UNC79: variants seen among roughly 807,000 people sequenced by gnomAD.
UNC79 encodes protein unc-79 homolog.
UNC79 carries 37 observed loss-of-function variants against 283.1 expected under a neutral mutation model. That is an observed-to-expected ratio of 0.13 (90% confidence interval 0.10 to 0.17). UNC79 has a LOEUF of 0.17. Ranked by LOEUF, UNC79 falls within the 10% of genes least tolerant of loss-of-function variation. The pLI is 1.00. For missense variants in UNC79, 2,272 were observed against 3,211.1 expected (o/e 0.71, Z 7.07); for synonymous variants, 1,107 against 1,200.2 (o/e 0.92, Z 1.61).
At chr14:93,704,132 T>A (rs1458966312) in intron 47 of UNC79, among the ~76,000 whole-genome samples, 2 of 152,208 alleles carry the variant, frequency 1.3e-5, no homozygotes, top group African/African-American at 4.8e-5. Flanking sequence ...CCCGGCTCAG[T>A]CTCGCTGTAT....
chr14:93,392,130 A>G (rs2054896016), intron 1 of UNC79, among the ~76,000 whole-genome samples: 1 of 152,252 alleles, frequency 6.6e-6, no homozygotes, highest in Admixed American at 6.5e-5. Context: ...ATGAATCTTA[A>G]TGTATATAGT....
rs1176604281 is a variant in UNC79 at position 93,477,837 on chromosome 14, A to G, written c.619+109A>G. Reference sequence around the variant, plus strand: ...TTCGAGATTATAATGGAATCACTTGATATATACAGGAGCTATGATTTCAAT... The same window carrying G: ...TTCGAGATTATAATGGAATCACTTGGTATATACAGGAGCTATGATTTCAAT... On this transcript the variant is annotated intron_variant, in intron 4 of 48. Coordinates refer to ENST00000555664, the Ensembl canonical transcript of UNC79. 5 of 1,035,090 alleles carry G rather than the reference A, an allele frequency of 4.8e-6. No homozygotes were observed. In the Admixed American group the frequency reaches 1.3e-4, roughly 26 times the overall value. The allele number at this position is 1,035,090 out of a possible 1,614,324, so 64.1% of individuals were successfully genotyped here.
chr14:93,450,854 T>C (rs1215514703), intron 1 of UNC79, among the ~76,000 whole-genome samples: 1 of 152,146 alleles, frequency 6.6e-6, no homozygotes, highest in African/African-American at 2.4e-5. Flanking sequence ...TTTTAACTCT[T>C]TTGGTTTTGC....
chr14:93,560,136 G>T (rs368210600), intron 14 of UNC79, among the ~76,000 whole-genome samples: 1 of 151,854 alleles, frequency 6.6e-6, no homozygotes, highest in Non-Finnish European at 1.5e-5. Flanking sequence ...GAAGGTACAA[G>T]GTTTGAATAA....
At chr14:93,491,923 G>A (rs1051125503) in intron 5 of UNC79, among the ~76,000 whole-genome samples, 5 of 152,192 alleles carry the variant, frequency 3.3e-5, no homozygotes, top group Non-Finnish European at 5.9e-5. Flanking sequence ...GCACTTAAGC[G>A]AGGCAATATC....
chr14:93,601,886 C>A (rs1170614084), intron 25 of UNC79, among the ~76,000 whole-genome samples: 1 of 152,082 alleles, frequency 6.6e-6, no homozygotes, highest in Non-Finnish European at 1.5e-5. Context: ...TGTTTGTTGG[C>A]CGTTTGTATA....
At chr14:93,439,840 TA>T (rs1285932160) in intron 1 of UNC79, among the ~76,000 whole-genome samples, 1 of 152,138 alleles carries the variant, frequency 6.6e-6, no homozygotes, top group East Asian at 1.9e-4. Flanking sequence ...TTTATTTCTC[TA>T]AAAAATTATG....
intron 1 of UNC79, among the ~76,000 whole-genome samples, chr14:93,404,493 A>AAATATATATATATATATATATAT: frequency 1.1e-4 from 7 of 61,496 alleles, no homozygotes; most frequent in African/African-American, 4.0e-4. Context: ...TTCTAAAAAA[A>AAATATATATATATATATATATAT]ATATATATAT....
chr14:93,483,532 T>C (rs1406959412), intron 4 of UNC79, among the ~76,000 whole-genome samples: 3 of 152,054 alleles, frequency 2.0e-5, no homozygotes, highest in African/African-American at 7.2e-5. Flanking sequence ...TTTTTTTTTT[T>C]TTAATTATAC....
intron 1 of UNC79, among the ~76,000 whole-genome samples, chr14:93,401,621 G>T (rs1023857581): frequency 1.3e-5 from 2 of 152,160 alleles, no homozygotes; most frequent in African/African-American, 4.8e-5. Context: ...CTCAAGAAAA[G>T]AGTCTGAAGA....
intron 7 of UNC79, among the ~76,000 whole-genome samples, chr14:93,504,452 G>A (rs1472952743): frequency 6.6e-6 from 1 of 151,800 alleles, no homozygotes; most frequent in East Asian, 1.9e-4. Flanking sequence ...TTATAATATT[G>A]AATCTTCCAA....
intron 20 of UNC79, 54 bp from the exon 21 acceptor site, chr14:93,586,542 A>C: frequency 6.9e-7 from 1 of 1,450,252 alleles, no homozygotes; most frequent in Non-Finnish European, 9.5e-7. Context: ...AAATTGATGA[A>C]TGATGGGGGA....
intron 14 of UNC79, among the ~76,000 whole-genome samples, chr14:93,554,427 T>C (rs576645575): frequency 6.6e-5 from 10 of 151,964 alleles, no homozygotes; most frequent in African/African-American, 2.2e-4. Context: ...AAAGGGAAAA[T>C]GAAATTTTAC....
rs752700963 is a variant in UNC79, at chr14:93,621,724, C to G, written c.4491C>G (p.Phe1497Leu). ...TTCCGAAAAAAAAGCTACGCTCTTT[C>G]AAACAAAAATCTCTTGATATAGGGA... The change falls in exon 30 of 49, where the codon TTC becomes TTG. Residue 1497 changes from phenylalanine to leucine, a missense_variant. Phe to Leu is a conservative substitution (Grantham distance 22). Transcript: ENST00000555664. This position sits in a 1 kb window ranked among gnomAD's most constrained non-coding sequence, Gnocchi z 4.8. 1.2e-6 allele frequency: 2 copies of G among 1,613,822 alleles called. No homozygotes were observed. Among genetic ancestry groups the G allele is most frequent in the Non-Finnish European group, 1.7e-6 (2 of 1,179,936 alleles).
intron 1 of UNC79, among the ~76,000 whole-genome samples, chr14:93,422,684 A>G (rs372284455): frequency 3.3e-5 from 5 of 152,344 alleles, no homozygotes; most frequent in South Asian, 2.1e-4. Context: ...TGAATGGATA[A>G]GTAAATTCAG....
upstream of UNC79, among the ~76,000 whole-genome samples, chr14:93,429,839 A>G (rs934430734): frequency 6.6e-6 from 1 of 152,222 alleles, no homozygotes; most frequent in Admixed American, 6.5e-5. Flanking sequence ...TTGCGCATCC[A>G]TTCGATCTGC....
intron 40 of UNC79, among the ~76,000 whole-genome samples, chr14:93,668,367 A>G (rs961869935): frequency 1.3e-5 from 2 of 152,210 alleles, no homozygotes; most frequent in South Asian, 4.1e-4. Context: ...TGATTATAAA[A>G]CATACTTTTA....
intron 11 of UNC79, among the ~76,000 whole-genome samples, chr14:93,534,225 G>A (rs2060960315): frequency 6.6e-6 from 1 of 152,184 alleles, no homozygotes; most frequent in African/African-American, 2.4e-5. Flanking sequence ...CCTAGAAATA[G>A]TTCCCTAATC....
At chr14:93,357,742 T>TGG (rs1256131049) in intron 1 of UNC79, among the ~76,000 whole-genome samples, 13 of 124,764 alleles carry the variant, frequency 1.0e-4, no homozygotes, top group African/African-American at 4.2e-4. Flanking sequence ...TGTATATATA[T>TGG]ATATGGATAT....
Sources: allele counts gnomAD v4.1 joint callset (sites outside exome capture counted in the v4.1 genomes callset), GRCh38; gene constraint gnomAD v4.1.1; non-coding constraint Gnocchi (gnomAD v3.1); transcripts MANE v1.5; gene names NCBI Gene and HGNC (gene_info 2026-07-23, HGNC 2026-07-21).